POU6F2: variants seen among roughly 807,000 people sequenced by gnomAD.
POU6F2 encodes POU class 6 homeobox 2.
A neutral mutation model predicts 71.3 loss-of-function variants in POU6F2; 31 were observed. That is an observed-to-expected ratio of 0.43 (90% CI 0.33 to 0.59). POU6F2 has a LOEUF of 0.59. Among genes scored for constraint, POU6F2 ranks in the 20% least tolerant of loss-of-function variants. The pLI, the probability that POU6F2 is intolerant of heterozygous loss-of-function variation, is 0.04. For synonymous variants in POU6F2, 347 were observed against 355.7 expected (o/e 0.98, Z 0.27); for missense variants, 783 against 856.8 (o/e 0.91, Z 1.07).
chr7:39,061,151 T>TAA (rs1790648120), intron 1 of POU6F2, among the ~76,000 whole-genome samples: 1 of 151,210 alleles, frequency 6.6e-6, no homozygotes, highest in Non-Finnish European at 1.5e-5. Context: ...AGAAGACTGG[T>TAA]ATTATTTTAC....
At position 39,251,618 on chromosome 7, in the gene POU6F2, A is replaced by T. The variant is rs962516937; in HGVS notation, c.598+43998A>T. On this transcript the variant is annotated intron_variant, in intron 4 of 9. Coordinates refer to ENST00000518318, the MANE Select transcript of POU6F2 (RefSeq NM_001370959.1). ...AAAGATGCATGCGTGTTTAATGTTAAGTAGAAAGAAATAAAAATAAGAAGA... is the reference window on the plus strand; with the variant it reads ...AAAGATGCATGCGTGTTTAATGTTATGTAGAAAGAAATAAAAATAAGAAGA... Among the ~76,000 whole-genome samples the T allele has an allele frequency of 5.9e-5, 9 of 152,192 alleles. No homozygotes were observed. In the East Asian group the frequency reaches 1.7e-3, roughly 29 times the overall value.
rs17713059 is a variant in POU6F2, at chr7:39,458,294, A to C, written c.1490-2253A>C. On this transcript the variant is annotated intron_variant, in intron 8 of 9. Transcript: ENST00000518318. ...ACTGGACATTACCAAGTGCAAATGT[A>C]CATCCGGAGCAGCCAAATCTTCTAA... is the stretch of plus-strand genomic sequence containing the variant. Among the ~76,000 whole-genome samples the C allele has an allele frequency of 2.3e-3, 349 of 152,298 alleles. 7 individuals carry two copies. The East Asian group carries it at 0.054, about 24-fold the overall frequency.
intron 1 of POU6F2, among the ~76,000 whole-genome samples, chr7:39,018,728 A>G (rs928027390): frequency 1.3e-5 from 2 of 152,184 alleles, no homozygotes; most frequent in African/African-American, 4.8e-5. Flanking sequence ...AGAATAACTC[A>G]TAGGTTAAGA....
chr7:39,256,711 A>G (rs900318852), intron 4 of POU6F2, among the ~76,000 whole-genome samples: 1 of 152,180 alleles, frequency 6.6e-6, no homozygotes, highest in African/African-American at 2.4e-5. Flanking sequence ...AGGTGTGATG[A>G]TGGCAGCAGA....
chr7:39,002,862 G>A (rs777145006), intron 1 of POU6F2, among the ~76,000 whole-genome samples: 8 of 152,100 alleles, frequency 5.3e-5, no homozygotes, highest in Admixed American at 1.3e-4. Flanking sequence ...CTGCCAAAAT[G>A]TCCTCTGCAT....
chr7:39,263,565 G>A (rs73128410), intron 4 of POU6F2, among the ~76,000 whole-genome samples: 29,331 of 152,154 alleles, frequency 0.19, 2,878 homozygotes, highest in South Asian at 0.27. Flanking sequence ...AAGAAAAATA[G>A]AAAAAGTCAA....
intron 2 of POU6F2, among the ~76,000 whole-genome samples, chr7:39,152,435 A>G (rs1206807788): frequency 2.0e-5 from 3 of 152,046 alleles, no homozygotes; most frequent in African/African-American, 7.2e-5. Context: ...AAAGTTCTCT[A>G]CCCGATCCAA....
At chr7:39,141,801 C>T (rs1426946835) in intron 2 of POU6F2, among the ~76,000 whole-genome samples, 3 of 152,158 alleles carry the variant, frequency 2.0e-5, no homozygotes, top group Non-Finnish European at 4.4e-5. Flanking sequence ...AATATTGTCA[C>T]ACCAGACCGG....
At chr7:39,329,816 G>A (rs1457141084) in intron 4 of POU6F2, among the ~76,000 whole-genome samples, 1 of 152,104 alleles carries the variant, frequency 6.6e-6, no homozygotes, top group African/African-American at 2.4e-5. Context: ...TTAGGTCAGG[G>A]TCTGCATCTG....
intron 2 of POU6F2, among the ~76,000 whole-genome samples, chr7:39,203,845 T>C (rs1793953679): frequency 6.6e-6 from 1 of 152,058 alleles, no homozygotes; most frequent in Non-Finnish European, 1.5e-5. Flanking sequence ...AAAGCCATAT[T>C]AGGGAATATG....
chr7:39,334,306 C>A lies in POU6F2; in HGVS notation c.599-5336C>A, dbSNP rs140423874. On this transcript the variant is annotated intron_variant, in intron 4 of 9. Coordinates refer to ENST00000518318, the MANE Select transcript of POU6F2 (RefSeq NM_001370959.1). The stretch of plus-strand genomic sequence containing the variant: ...GAATAAAGACAGAATTCTGGGTACA[C>A]ATGAACATAAAAATAGAAATAGTAG... Among the ~76,000 whole-genome samples the A allele has an allele frequency of 7.9e-5, 12 of 152,108 alleles. No individual in the cohort carries two copies. The East Asian group carries it at 1.9e-3, about 25-fold the overall frequency.
intron 4 of POU6F2, among the ~76,000 whole-genome samples, chr7:39,335,765 G>A (rs1306891205): frequency 2.0e-5 from 3 of 152,214 alleles, no homozygotes; most frequent in African/African-American, 7.2e-5. Flanking sequence ...TTCCTTGGCT[G>A]TTCTGTGCCT....
chr7:39,051,053 A>C (rs1790391240), intron 1 of POU6F2, among the ~76,000 whole-genome samples: 1 of 152,136 alleles, frequency 6.6e-6, no homozygotes. Flanking sequence ...ATTCACTTAG[A>C]TCCCACAGGC....
chr7:39,106,117 T>C (rs925916077), intron 2 of POU6F2, among the ~76,000 whole-genome samples: 2 of 151,644 alleles, frequency 1.3e-5, no homozygotes, highest in African/African-American at 4.9e-5. Context: ...GATATCCAAG[T>C]GCATCTACAC....
chr7:39,071,164 C>A (rs566055528), intron 1 of POU6F2, among the ~76,000 whole-genome samples: 2 of 152,142 alleles, frequency 1.3e-5, no homozygotes, highest in Admixed American at 6.5e-5. Flanking sequence ...TGTTTTCCTG[C>A]AACTAGAAGG....
chr7:39,293,874 CTG>C (rs1233785575), intron 4 of POU6F2, among the ~76,000 whole-genome samples: 9 of 152,126 alleles, frequency 5.9e-5, no homozygotes, highest in African/African-American at 2.2e-4. Flanking sequence ...CCTGGGGAAA[CTG>C]AGAGGCATGA....
chr7:39,311,296 AC>A (rs376495409), intron 4 of POU6F2, among the ~76,000 whole-genome samples: 8,063 of 148,806 alleles, frequency 0.054, 277 homozygotes, highest in South Asian at 0.17. Context: ...AAAAAAAAAA[AC>A]AAACACCAAG....
chr7:39,276,145 C>T (rs1784433895), intron 4 of POU6F2, among the ~76,000 whole-genome samples: 1 of 151,838 alleles, frequency 6.6e-6, no homozygotes, highest in African/African-American at 2.4e-5. Context: ...TTTTCGCAAC[C>T]TACTCATCTG....
chr7:39,421,041 A>G (rs2115968621), intron 6 of POU6F2, among the ~76,000 whole-genome samples: 1 of 152,318 alleles, frequency 6.6e-6, no homozygotes, highest in East Asian at 1.9e-4. Flanking sequence ...AGAAACCACA[A>G]TTGGAAGAGT....
Sources: gnomAD v4.1 joint callset for allele counts (sites outside exome capture counted in the v4.1 genomes callset) on GRCh38, gnomAD v4.1.1 for gene constraint, MANE v1.5 for transcripts, NCBI Gene and HGNC (gene_info 2026-07-23, HGNC 2026-07-21) for gene names.